Variants in CFAP92 observed in about 807,000 individuals in gnomAD.
The protein encoded by CFAP92 is cilia and flagella associated protein 92 (putative), also known as uncharacterized protein CFAP92.
In CFAP92, 86 loss-of-function variants were observed where a neutral mutation model predicts 106.3. That is an observed-to-expected ratio of 0.81 (90% CI 0.68 to 0.97). CFAP92 has a LOEUF of 0.97. Among genes scored for constraint, CFAP92 ranks in the 50% least tolerant of loss-of-function variants. CFAP92 has a pLI of 0.00. For synonymous variants in CFAP92, 477 were observed against 506.4 expected, an observed-to-expected ratio of 0.94 and a Z score of 0.78; for missense variants, 1,204 against 1,283.8, an observed-to-expected ratio of 0.94 and a Z score of 0.95.
chr3:129,013,953 A>G, the CFAP92 span, among the ~76,000 whole-genome samples: 1 of 152,106 alleles, frequency 6.6e-6, no homozygotes, highest in Admixed American at 6.5e-5. Context: ...GACTGTCAGA[A>G]TGTGCTCTGA....
Position 128,956,190 on chromosome 3 carries a change from AAAAAAT to A in CFAP92, c.1353+9315_1353+9320del, listed in dbSNP as rs1431931385. Among the ~76,000 whole-genome samples, 309 of 99,320 alleles carry A rather than the reference AAAAAAT, an allele frequency of 3.1e-3. 3 individuals are homozygous for A. Among genetic ancestry groups the A allele is most frequent in the African/African-American group, 0.023 (289 of 12,584 alleles). 65.2% of individuals were successfully genotyped at this position (99,320 alleles called of 152,430 possible). A position where few individuals can be genotyped will look rare whatever the true frequency, so the allele number is the denominator to read the frequency against. On this transcript the variant is annotated intron_variant, in intron 9 of 15. Transcript: ENST00000645291. ...TATCAATAAAAAAATAAATTAAAAAAAAAAATAAAAAAAAAATAAAAAAATAAAAAA... is the reference window on the plus strand; with the variant it reads ...TATCAATAAAAAAATAAATTAAAAAAAAAAAAAAAATAAAAAAATAAAAAA...
At chr3:128,972,658 C>T (rs1370278067) in intron 7 of CFAP92, among the ~76,000 whole-genome samples, 2 of 151,488 alleles carry the variant, frequency 1.3e-5, no homozygotes, top group South Asian at 2.1e-4. Flanking sequence ...GATTTTGATA[C>T]TAGCCTGGCC....
At chr3:129,002,890 C>T (rs1488883695), upstream of CFAP92, among the ~76,000 whole-genome samples, 1 of 152,170 alleles carries the variant, frequency 6.6e-6, no homozygotes, top group African/African-American at 2.4e-5. Flanking sequence ...ACTCACGGGC[C>T]ACCAAGTGCC....
At chr3:129,004,653 A>G (rs1944990504), upstream of CFAP92, among the ~76,000 whole-genome samples, 3 of 152,068 alleles carry the variant, frequency 2.0e-5, no homozygotes, top group Non-Finnish European at 4.4e-5. Flanking sequence ...GGATTCGATC[A>G]TAATGATAAT....
rs899576399 is a variant in CFAP92 at position 128,959,002 on chromosome 3, G to A, written c.1353+6509C>T. Among the ~76,000 whole-genome samples the A allele has an allele frequency of 3.3e-5, 5 of 152,190 alleles. No individual in the cohort carries two copies. In the East Asian group the frequency reaches 9.6e-4, roughly 29 times the overall value. On this transcript the variant is annotated intron_variant, in intron 9 of 15. Coordinates refer to ENST00000645291, the MANE Select transcript of CFAP92 (RefSeq NM_001394090.1). The stretch of plus-strand genomic sequence containing the variant: ...AAGGCAGGTGGATCACCTGAGGTCA[G>A]GAGTTTGAGACCAGATTGACCAACA...
intron 10 of CFAP92, among the ~76,000 whole-genome samples, chr3:128,943,793 T>C (rs1454815853): frequency 6.6e-6 from 1 of 152,034 alleles, no homozygotes; most frequent in Non-Finnish European, 1.5e-5. Flanking sequence ...CGCCTCAGCC[T>C]CCCAAAGTGC....
chr3:129,017,703 T>C, the CFAP92 span, among the ~76,000 whole-genome samples: 1 of 152,056 alleles, frequency 6.6e-6, no homozygotes, highest in Non-Finnish European at 1.5e-5. Flanking sequence ...CAGAAAGCTA[T>C]CTGCATTTCA....
intron 7 of CFAP92, among the ~76,000 whole-genome samples, chr3:128,974,835 GAGA>G: frequency 6.9e-6 from 1 of 145,898 alleles, no homozygotes; most frequent in Non-Finnish European, 1.5e-5. Flanking sequence ...AAAAAAAGAA[GAGA>G]AGGCCAGGCG....
chr3:128,910,609 C>T (rs552459881), intron 15 of CFAP92: 84 of 981,210 alleles, frequency 8.6e-5, no homozygotes, highest in South Asian at 1.6e-4. Context: ...GAACCCAAGA[C>T]GGGGTGACTC....
upstream of CFAP92, chr3:129,004,162 C>A: frequency 1.5e-6 from 2 of 1,342,580 alleles, no homozygotes; most frequent in South Asian, 1.6e-5. Flanking sequence ...CCCCCTCCCA[C>A]GCGCTCTCGT....
chr3:128,963,939 A>T (rs1355470253), intron 9 of CFAP92, among the ~76,000 whole-genome samples: 4 of 152,072 alleles, frequency 2.6e-5, no homozygotes, highest in African/African-American at 7.2e-5. Flanking sequence ...CCGAGTCAGG[A>T]AACTAAAATA....
In CFAP92 at chr3:128,991,862, A is replaced by T. The variant is rs143249511; in HGVS notation, c.262+1181T>A. On this transcript the variant is annotated intron_variant, in intron 2 of 15. Transcript: ENST00000645291. ...TCAAGTAAGCAGATGAAAACAAAAC[A>T]AAGCAAGGTCTATCAAGATGTGAAG... is the stretch of plus-strand genomic sequence containing the variant. The T allele has an allele frequency of 3.7e-4, 362 of 987,510 alleles. 2 individuals carry two copies. In the African/African-American group the frequency reaches 5.1e-3, roughly 14 times the overall value. 61.2% of individuals were successfully genotyped at this position (987,510 alleles called of 1,614,324 possible).
intron 10 of CFAP92, among the ~76,000 whole-genome samples, chr3:128,940,399 A>G (rs1473049261): frequency 6.6e-6 from 1 of 152,180 alleles, no homozygotes; most frequent in Non-Finnish European, 1.5e-5. Flanking sequence ...CACTTGAGGA[A>G]CTGCCAGAAT....
At position 128,993,319 on chromosome 3, in the gene CFAP92, T is replaced by C; in HGVS notation, c.-15A>G. On this transcript the variant is annotated 5_prime_UTR_variant, in exon 2 of 16. Transcript: ENST00000645291. ...TGTAGCGACATGCTGCAGAGCGCAC[T>C]GCTGGCCGCCGGCGCTCCTGGCAGG... The C allele has an allele frequency of 6.2e-7, 1 of 1,607,484 alleles. No individual in the cohort carries two copies. The highest frequency in any genetic ancestry group is 1.1e-5 in the South Asian group (1 of 90,588).
At chr3:128,937,687 G>A (rs1038144345) in intron 10 of CFAP92, among the ~76,000 whole-genome samples, 6 of 152,150 alleles carry the variant, frequency 3.9e-5, no homozygotes, top group African/African-American at 1.4e-4. Context: ...TCAATCAACA[G>A]TAGTTATATA....
the CFAP92 span, among the ~76,000 whole-genome samples, chr3:129,009,881 G>A: frequency 2.0e-4 from 31 of 152,264 alleles, no homozygotes; most frequent in Middle Eastern, 3.4e-3. Flanking sequence ...CTGTAACCTC[G>A]CCAACCTGTG....
At chr3:128,911,633 GGTTTCACCAT>G (rs1456324340) in intron 15 of CFAP92, among the ~76,000 whole-genome samples, 2 of 151,824 alleles carry the variant, frequency 1.3e-5, no homozygotes, top group African/African-American at 4.8e-5. Flanking sequence ...AAACAAACAG[GGTTTCACCAT>G]GTTGGCCAAG....
At chr3:128,988,968 C>G in intron 2 of CFAP92, 50 bp from the exon 3 acceptor site, 1 of 1,412,188 alleles carries the variant, frequency 7.1e-7, no homozygotes, top group South Asian at 1.2e-5. Context: ...TGTGGAAAAG[C>G]AGACCCGTCT....
the CFAP92 span, among the ~76,000 whole-genome samples, chr3:129,011,305 C>G: frequency 6.6e-6 from 1 of 152,170 alleles, no homozygotes; most frequent in Non-Finnish European, 1.5e-5. Flanking sequence ...AATCCCAACA[C>G]TTTGGGAGGC....
Sources: gnomAD v4.1 joint callset for allele counts (sites outside exome capture counted in the v4.1 genomes callset) on GRCh38, gnomAD v4.1.1 for gene constraint, MANE v1.5 for transcripts, NCBI Gene and HGNC (gene_info 2026-07-23, HGNC 2026-07-21) for gene names.